EIF5: variants seen among roughly 807,000 people sequenced by gnomAD.
The protein encoded by EIF5 is eukaryotic translation initiation factor 5.
In EIF5, 10 loss-of-function variants were observed where a neutral mutation model predicts 48.3. The ratio of observed to expected loss-of-function variants is 0.21; its 90% CI spans 0.13 to 0.35. The LOEUF is 0.35. Ranked by LOEUF, EIF5 falls within the 10% of genes least tolerant of loss-of-function variation. The pLI, the probability that EIF5 is intolerant of heterozygous loss-of-function variation, is 1.00. For missense variants in EIF5, 397 were observed against 533.2 expected (o/e 0.74, Z 2.51); for synonymous variants, 237 against 173.1 (o/e 1.37, Z -2.90).
intron 10 of EIF5, among the ~76,000 whole-genome samples, 194 bp from the exon 11 acceptor site, chr14:103,340,233 T>A (rs1435404032): frequency 6.6e-6 from 1 of 152,208 alleles, no homozygotes; most frequent in Non-Finnish European, 1.5e-5. Flanking sequence ...GTGCTGTAGA[T>A]TGTGATTCGC....
At chr14:103,338,507 AGTT>A (rs1400166449) in intron 7 of EIF5, 35 bp downstream of exon 7, 1 of 1,543,740 alleles carries the variant, frequency 6.5e-7, no homozygotes, top group African/African-American at 1.4e-5. Context: ...TGGGCACTAA[AGTT>A]GTGTAAAGTA....
chr14:103,339,030 T>C (rs939608545), intron 8 of EIF5, 137 bp downstream of exon 8: 2 of 1,473,454 alleles, frequency 1.4e-6, no homozygotes, highest in Admixed American at 2.3e-5. Context: ...TAAATATTTT[T>C]TGCGCGTGAT....
intron 10 of EIF5, 51 bp from the exon 11 acceptor site, chr14:103,340,376 C>T (rs370255124): frequency 2.6e-4 from 413 of 1,574,640 alleles, no homozygotes; most frequent in Non-Finnish European, 3.6e-4. Flanking sequence ...TATAAATAAT[C>T]AAAAGTTGTT....
chr14:103,340,607 T>C (rs1259277749), intron 11 of EIF5, 46 bp downstream of exon 11: 6 of 1,570,998 alleles, frequency 3.8e-6, no homozygotes, highest in Non-Finnish European at 5.2e-6. Flanking sequence ...CTGGCATGGG[T>C]GTTTGAGATT....
In EIF5 at chr14:103,343,298, T is replaced by TGCCAGCCCCACTC. The variant is rs1266308231; in HGVS notation, c.*2247_*2259dup. ...GTTGGATGTATCCTGCAGTTACACT[T>TGCCAGCCCCACTC]GCCAGCCCCACTCACAAAAGTTGTT... On this transcript the variant is annotated 3_prime_UTR_variant, in exon 12 of 12. Transcript: ENST00000216554. The TGCCAGCCCCACTC allele has an allele frequency of 2.6e-5, 4 of 152,232 alleles. No homozygotes were observed. The highest frequency in any genetic ancestry group is 9.7e-5 in the African/African-American group (4 of 41,448). The allele number at this position is 152,232 out of a possible 1,614,324, so 9.4% of individuals were successfully genotyped here.
chr14:103,343,883 T>A lies in EIF5; in HGVS notation c.*2831T>A, dbSNP rs2140365789. 1 of 152,348 alleles carries A rather than the reference T, an allele frequency of 6.6e-6. No homozygotes were observed. Among genetic ancestry groups the A allele is most frequent in the Non-Finnish European group, 1.5e-5 (1 of 68,032 alleles). 9.4% of individuals were successfully genotyped at this position (152,348 alleles called of 1,614,324 possible). ...AGACAATCCTTATCTAACCAGCTAT[T>A]TTCTTAATTGCTACAGCTTGACCTA... On this transcript the variant is annotated 3_prime_UTR_variant, in exon 12 of 12. Transcript: ENST00000216554.
In EIF5 at chr14:103,341,532, T is replaced by G. The variant is rs1237535634; in HGVS notation, c.*480T>G. 2 of 157,094 alleles carry G rather than the reference T, an allele frequency of 1.3e-5. No individual in the cohort carries two copies. The highest frequency in any genetic ancestry group is 6.1e-5 in the Admixed American group (1 of 16,456). 9.7% of individuals were successfully genotyped at this position (157,094 alleles called of 1,614,324 possible). A position where few individuals can be genotyped will look rare whatever the true frequency, so the allele number is the denominator to read the frequency against. On this transcript the variant is annotated 3_prime_UTR_variant, in exon 12 of 12. Transcript: ENST00000216554. ...GCAAACTTAATTGTAATTAATTTATTCAGCCCATTAAGAAAGTACTAAAGT... is the reference window on the plus strand; with the variant it reads ...GCAAACTTAATTGTAATTAATTTATGCAGCCCATTAAGAAAGTACTAAAGT...
intron 6 of EIF5, 73 bp downstream of exon 6, chr14:103,337,300 T>A: frequency 7.5e-7 from 1 of 1,327,208 alleles, no homozygotes; most frequent in Non-Finnish European, 1.0e-6. Context: ...TAGAAGGTTT[T>A]TTTGTAATAG....
At chr14:103,340,788 C>T (rs2089344406) in intron 11 of EIF5, among the ~76,000 whole-genome samples, 175 bp from the exon 12 acceptor site, 1 of 152,176 alleles carries the variant, frequency 6.6e-6, no homozygotes, top group Admixed American at 6.5e-5. Flanking sequence ...TTTAAAAATG[C>T]TCTTAGACTG....
At chr14:103,335,990 C>T (rs940593690) in intron 3 of EIF5, 46 bp from the exon 4 acceptor site, 3 of 1,613,584 alleles carry the variant, frequency 1.9e-6, no homozygotes, top group African/African-American at 1.3e-5. Flanking sequence ...TTGAAGTTTG[C>T]ATTTGTCAGG....
chr14:103,335,142 C>G (rs758680365), intron 2 of EIF5: 1 of 152,362 alleles, frequency 6.6e-6, no homozygotes, highest in Non-Finnish European at 1.5e-5. Context: ...TGCTTAATGG[C>G]AAATTGTGGG....
chr14:103,336,257 T>C (rs1010859497), intron 4 of EIF5, 140 bp downstream of exon 4: 10 of 919,146 alleles, frequency 1.1e-5, no homozygotes, highest in Middle Eastern at 3.3e-4. Flanking sequence ...TTGGTTGCCA[T>C]GAGTTTACAA....
rs1217214803 is a variant in EIF5 at position 103,342,603 on chromosome 14, A to AT, written c.*1552dup. ...GTAAAAAAATTTTCACATTGAAATG[A>AT]TAGAAACATTTGATGTAATAAAACT... On this transcript the variant is annotated 3_prime_UTR_variant, in exon 12 of 12. Coordinates refer to ENST00000216554, the MANE Select transcript of EIF5 (RefSeq NM_001969.5). The AT allele has an allele frequency of 6.6e-6, 1 of 152,584 alleles. No homozygotes were observed. Among genetic ancestry groups the AT allele is most frequent in the Non-Finnish European group, 1.5e-5 (1 of 68,052 alleles). 9.5% of individuals were successfully genotyped at this position (152,584 alleles called of 1,614,324 possible).
rs752415968 is a variant in EIF5, at chr14:103,344,626, T to C, written c.*3574T>C. The C allele has an allele frequency of 1.3e-5, 2 of 152,202 alleles. No individual in the cohort carries two copies. The highest frequency in any genetic ancestry group is 2.4e-5 in the African/African-American group (1 of 41,444). 9.4% of individuals were successfully genotyped at this position (152,202 alleles called of 1,614,324 possible). A position where few individuals can be genotyped will look rare whatever the true frequency, so the allele number is the denominator to read the frequency against. Reference sequence around the variant, plus strand: ...AGCCTAATGCTGCAGTCAGAAGCAATGCCTGGCTGGGGCAGTAGGGGAAAT... The same window carrying C: ...AGCCTAATGCTGCAGTCAGAAGCAACGCCTGGCTGGGGCAGTAGGGGAAAT... On this transcript the variant is annotated 3_prime_UTR_variant, in exon 12 of 12. Transcript: ENST00000216554.
In EIF5 at chr14:103,337,222, C is replaced by T; in HGVS notation, c.434C>T (p.Pro145Leu). 1 of 1,610,688 alleles carries T rather than the reference C, an allele frequency of 6.2e-7. No homozygotes were observed. The highest frequency in any genetic ancestry group is 8.5e-7 in the Non-Finnish European group (1 of 1,178,762). Residue 145 changes from proline (P) to leucine (L), a missense_variant, in exon 6 of 12, where the codon CCA becomes CTA. Around this residue, in one of 4 missense-constraint regions of EIF5, gnomAD observed 108 missense variants for 188.3 expected, o/e 0.57. Transcript: ENST00000216554. ...CTCTGCACATTCATTCTCAAAAACC[C>T]ACCTGGTGAGTCTTCCATGATGAAC... The part of the protein sequence containing the change: ...HKLCTFILKN[P>L]PENSDSGTGK...
Position 103,343,498 on chromosome 14 carries a change from T to A in EIF5, c.*2446T>A, listed in dbSNP as rs2089377538. On this transcript the variant is annotated 3_prime_UTR_variant, in exon 12 of 12. Coordinates refer to ENST00000216554, the MANE Select transcript of EIF5 (RefSeq NM_001969.5). ...AGAATGAGGGAATGGGGAGGTTTGC[T>A]TTCTAAACAAGTGCATTCTGAAATT... 2 of 152,238 alleles carry A rather than the reference T, an allele frequency of 1.3e-5. No individual in the cohort carries two copies. The highest frequency in any genetic ancestry group is 2.9e-5 in the Non-Finnish European group (2 of 68,048). The allele number at this position is 152,238 out of a possible 1,614,324, so 9.4% of individuals were successfully genotyped here. A position where few individuals can be genotyped will look rare whatever the true frequency, so the allele number is the denominator to read the frequency against.
intron 5 of EIF5, 126 bp from the exon 6 acceptor site, chr14:103,336,987 CTTT>C: frequency 2.2e-6 from 3 of 1,372,126 alleles, no homozygotes; most frequent in Non-Finnish European, 2.9e-6. Context: ...TATTTCCATT[CTTT>C]TTTTTAAAGT....
chr14:103,338,142 CATTCTT>C, intron 6 of EIF5, 179 bp from the exon 7 acceptor site: 1 of 839,464 alleles, frequency 1.2e-6, no homozygotes, highest in Non-Finnish European at 1.9e-6. Context: ...CTTAGACTAA[CATTCTT>C]ACGTATGAAA....
Position 103,341,038 on chromosome 14 carries a change from A to G in EIF5, c.1282A>G (p.Ile428Val). 13 of 1,614,116 alleles carry G rather than the reference A, an allele frequency of 8.1e-6. No individual in the cohort carries two copies. The highest frequency in any genetic ancestry group is 4.5e-5 in the East Asian group (2 of 44,872). Residue 428 changes from isoleucine to valine, a missense_variant, in exon 12 of 12, where the codon ATT (isoleucine) becomes GTT (valine). By Grantham distance (29) the Ile-to-Val change is conservative. Transcript: ENST00000216554. The stretch of plus-strand genomic sequence containing the variant: ...AGACAACAAGGATGACGACATCGAT[A>G]TTGATGCCATTTAAAGGGATGGATG... ...KSDNKDDDID[I>V]DAI
Sources: allele counts gnomAD v4.1 joint callset (sites outside exome capture counted in the v4.1 genomes callset), GRCh38; gene constraint gnomAD v4.1.1; regional missense constraint gnomAD v4.1.1; transcripts MANE v1.5; gene names NCBI Gene and HGNC (gene_info 2026-07-23, HGNC 2026-07-21).